DNAH7: variants seen among roughly 807,000 people sequenced by gnomAD.
The protein encoded by DNAH7 is axonemal beta dynein heavy chain 7.
A neutral mutation model predicts 444.6 loss-of-function variants in DNAH7; 397 were observed. The observed-to-expected ratio is 0.89, with a 90% CI of 0.82 to 0.97. The LOEUF (loss-of-function observed/expected upper bound fraction) is 0.97. DNAH7 is among the 50% of genes least tolerant of loss of function. The pLI, the probability that DNAH7 is intolerant of heterozygous loss-of-function variation, is 0.00. For synonymous variants in DNAH7, 1,636 were observed against 1,624.4 expected (o/e 1.01, Z -0.17); for missense variants, 4,902 against 4,800.8 (o/e 1.02, Z -0.62).
At chr2:196,025,613 C>T (rs1394298006) in intron 7 of DNAH7, among the ~76,000 whole-genome samples, 1 of 152,156 alleles carries the variant, frequency 6.6e-6, no homozygotes, top group Non-Finnish European at 1.5e-5. Context: ...GTTTAGGCTC[C>T]TCCAGAGTCC....
At chr2:195,998,752 G>A (rs116486017) in intron 12 of DNAH7, 2,463 of 190,030 alleles carry the variant, frequency 0.013, 60 homozygotes, top group African/African-American at 0.053. Flanking sequence ...AAAGTAAGCA[G>A]TATGTTTCTT....
At chr2:195,818,931 T>C (rs1697344485) in intron 49 of DNAH7, among the ~76,000 whole-genome samples, 1 of 152,172 alleles carries the variant, frequency 6.6e-6, no homozygotes, top group Admixed American at 6.5e-5. Flanking sequence ...ATCTTTTTAA[T>C]TTTTAATTTT....
intron 48 of DNAH7, among the ~76,000 whole-genome samples, chr2:195,832,043 A>G (rs867819061): frequency 2.0e-5 from 3 of 152,220 alleles, no homozygotes; most frequent in Non-Finnish European, 2.9e-5. Context: ...GTACATATAT[A>G]TGCATATAAA....
intron 48 of DNAH7, among the ~76,000 whole-genome samples, chr2:195,828,983 A>C (rs1010072824): frequency 4.6e-5 from 7 of 152,130 alleles, no homozygotes; most frequent in Non-Finnish European, 7.4e-5. Context: ...CTAAACATTT[A>C]TTTCTGAAAG....
At chr2:196,000,910 C>CATAA in intron 11 of DNAH7, 27 bp from the exon 12 acceptor site, 1 of 1,527,890 alleles carries the variant, frequency 6.5e-7, no homozygotes, top group South Asian at 1.3e-5. Context: ...AATTTACATA[C>CATAA]ATAAATATGT....
chr2:196,001,583 C>G, intron 11 of DNAH7, 92 bp downstream of exon 11: 3 of 1,196,672 alleles, frequency 2.5e-6, no homozygotes, highest in East Asian at 5.5e-5. Context: ...TACTTTCTGC[C>G]CTCTCACTGA....
chr2:196,012,782 T>C lies in DNAH7; in HGVS notation c.989+5A>G. 1.3e-6 allele frequency: 2 copies of C among 1,598,230 alleles called. No homozygotes were observed. The highest frequency in any genetic ancestry group is 2.3e-5 in the South Asian group (2 of 88,326). ...GCTTTCCTACATGAAATTTCAAACCTTTACATTTTAAGTAGAGTCTCTTTG... is the reference window on the plus strand; with the variant it reads ...GCTTTCCTACATGAAATTTCAAACCCTTACATTTTAAGTAGAGTCTCTTTG... On this transcript the variant is annotated splice_donor_5th_base_variant and intron_variant, in intron 10 of 64. Coordinates refer to ENST00000312428, the MANE Select transcript of DNAH7 (RefSeq NM_018897.3).
chr2:196,022,105 C>T (rs995708408), intron 8 of DNAH7, among the ~76,000 whole-genome samples: 1 of 151,988 alleles, frequency 6.6e-6, no homozygotes, highest in African/African-American at 2.4e-5. Context: ...CCAGCCTGGG[C>T]AAGAGAGTGA....
chr2:195,743,167 TG>T, intron 63 of DNAH7, among the ~76,000 whole-genome samples: 1 of 152,330 alleles, frequency 6.6e-6, no homozygotes, highest in East Asian at 1.9e-4. Flanking sequence ...CTTACTCTAG[TG>T]GTTTGCCAGG....
At chr2:195,773,264 A>G (rs1694925103) in intron 60 of DNAH7, among the ~76,000 whole-genome samples, 1 of 152,238 alleles carries the variant, frequency 6.6e-6, no homozygotes, top group South Asian at 2.1e-4. Flanking sequence ...AAAACAAATC[A>G]TAGAGAACGA....
Position 195,858,592 on chromosome 2 carries a change from A to G in DNAH7, c.7949T>C (p.Ile2650Thr), listed in dbSNP as rs1486769187. ...TEKIVKADET[I>T]ANEQAMASKA... ...GGAAGCCATAGCTTGTTCATTCGCT[A>G]TTGTTTCATCAGCTTTCACTATTTT... The change falls in exon 43 of 65, where the codon ATA becomes ACA. Residue 2650 changes from isoleucine to threonine, a missense_variant. Ile to Thr is a moderately conservative substitution (Grantham distance 89). Coordinates refer to ENST00000312428, the MANE Select transcript of DNAH7 (RefSeq NM_018897.3). 6.2e-7 allele frequency: 1 copy of G among 1,613,972 alleles called. No homozygotes were observed. The highest frequency in any genetic ancestry group is 8.5e-7 in the Non-Finnish European group (1 of 1,179,952).
chr2:195,747,082 C>T (rs1236712699), intron 63 of DNAH7, among the ~76,000 whole-genome samples: 1 of 151,954 alleles, frequency 6.6e-6, no homozygotes, highest in African/African-American at 2.4e-5. Context: ...AAAGCATCAA[C>T]AAAATTGATA....
chr2:196,024,527 T>C (rs1482619838), intron 7 of DNAH7, 23 bp from the exon 8 acceptor site: 1 of 1,434,566 alleles, frequency 7.0e-7, no homozygotes, highest in Non-Finnish European at 9.5e-7. Flanking sequence ...TTTAAAATTC[T>C]GATAAATAAC....
intron 40 of DNAH7, among the ~76,000 whole-genome samples, chr2:195,871,241 A>T (rs777651852): frequency 6.6e-6 from 1 of 152,236 alleles, no homozygotes; most frequent in Non-Finnish European, 1.5e-5. Flanking sequence ...TTTGAAATTT[A>T]TATCTCTGTA....
At position 195,754,473 on chromosome 2, in the gene DNAH7, A is replaced by G. The variant is rs200017584; in HGVS notation, c.11628T>C (p.Ser3876=). The change falls in exon 63 of 65, where the codon TCT becomes TCC. Residue 3876 remains serine, a synonymous_variant. Transcript: ENST00000312428. ...GGAAGGCTTGTGTGAAGAAGAAGCC[A>G]GAAAGCCAGAAGACTGGAGGAGGAC... ...EVGPPPVFWL[S]GFFFTQAFLT... 2 of 1,614,098 alleles carry G rather than the reference A, an allele frequency of 1.2e-6. No individual in the cohort carries two copies. The highest frequency in any genetic ancestry group is 1.3e-5 in the African/African-American group (1 of 75,064).
At position 196,019,611 on chromosome 2, in the gene DNAH7, A is replaced by C. The variant is rs79339622; in HGVS notation, c.744-316T>G. On this transcript the variant is annotated intron_variant, in intron 8 of 64. Transcript: ENST00000312428. ...GAACAAATGAAAACAGCAGCCAGCTATCTCTCATAAACATCTTCAAAGATT... is the reference window on the plus strand; with the variant it reads ...GAACAAATGAAAACAGCAGCCAGCTCTCTCTCATAAACATCTTCAAAGATT... 6.3e-3 allele frequency among the ~76,000 whole-genome samples: 956 copies of C among 152,336 alleles called. 9 individuals are homozygous for C. Among genetic ancestry groups the C allele is most frequent in the African/African-American group, 0.022 (923 of 41,584 alleles).
Position 195,787,121 on chromosome 2 carries a change from T to C in DNAH7, c.10767A>G (p.Val3589=). The C allele has an allele frequency of 1.9e-6, 3 of 1,610,446 alleles. No individual in the cohort carries two copies. In the South Asian group the frequency reaches 3.3e-5, roughly 18 times the overall value. ...GGGGTCCAAATTTCCGTCTTTCTTGTACCAAAGCATGAAAGAAACACAGGC... is the reference window on the plus strand; with the variant it reads ...GGGGTCCAAATTTCCGTCTTTCTTGCACCAAAGCATGAAAGAAACACAGGC... ...LYGLCFFHAL[V]QERRKFGPLG... is the part of the protein sequence containing the mutation. Residue 3589 remains valine (V), a synonymous_variant, in exon 58 of 65, where the codon GTA becomes GTG. Transcript: ENST00000312428.
intron 61 of DNAH7, among the ~76,000 whole-genome samples, chr2:195,768,390 C>T (rs1694685377): frequency 6.6e-6 from 1 of 151,678 alleles, no homozygotes; most frequent in African/African-American, 2.4e-5. Flanking sequence ...TGGCATCTTT[C>T]CACATCAGCA....
intron 1 of DNAH7, among the ~76,000 whole-genome samples, chr2:196,064,177 T>A (rs899638505): frequency 6.6e-6 from 1 of 151,784 alleles, no homozygotes; most frequent in Non-Finnish European, 1.5e-5. Flanking sequence ...TAGCTGGGCG[T>A]AGTGGCGGGT....
Sources: allele counts gnomAD v4.1 joint callset (sites outside exome capture counted in the v4.1 genomes callset), GRCh38; gene constraint gnomAD v4.1.1; transcripts MANE v1.5; gene names NCBI Gene and HGNC (gene_info 2026-07-23, HGNC 2026-07-21).